SMOC2: variants seen among roughly 807,000 people sequenced by gnomAD.
SMOC2 encodes SPARC-related modular calcium-binding protein 2.
Under a neutral mutation model 61.4 loss-of-function variants are expected in SMOC2, and 39 were observed. That is an observed-to-expected ratio of 0.64 (90% confidence interval 0.49 to 0.83). The LOEUF (loss-of-function observed/expected upper bound fraction) is 0.83. SMOC2 is among the 40% of genes least tolerant of loss of function. The pLI is 0.00. For missense variants in SMOC2, 556 were observed against 592.9 expected (o/e 0.94, Z 0.65); for synonymous variants, 247 against 239.9 (o/e 1.03, Z -0.27).
At chr6:168,653,382 A>G (rs976046316) in intron 11 of SMOC2, among the ~76,000 whole-genome samples, 154 bp downstream of exon 11, 2 of 152,250 alleles carry the variant, frequency 1.3e-5, no homozygotes, top group Admixed American at 6.5e-5. Flanking sequence ...GTTTGCAGAA[A>G]TAATAATGAT....
chr6:168,451,569 C>T (rs1408662455), intron 1 of SMOC2, among the ~76,000 whole-genome samples: 1 of 150,086 alleles, frequency 6.7e-6, no homozygotes, highest in Non-Finnish European at 1.5e-5. Context: ...CCAGGCAGCT[C>T]GCGCTCTCTC....
At chr6:168,538,403 C>G (rs1338210686) in intron 4 of SMOC2, among the ~76,000 whole-genome samples, 3 of 43,912 alleles carry the variant, frequency 6.8e-5, no homozygotes, top group Non-Finnish European at 8.4e-5. Flanking sequence ...CCCCTGCTGG[C>G]ATGTAGGGGA....
chr6:168,615,314 G>A (rs1562384056), intron 9 of SMOC2, among the ~76,000 whole-genome samples: 1 of 74,214 alleles, frequency 1.3e-5, no homozygotes. Flanking sequence ...GCCAGCACGG[G>A]GCCTCTTCAC....
Position 168,472,149 on chromosome 6 carries a change from A to G in SMOC2, c.84+30695A>G, listed in dbSNP as rs144605058. ...AGCCAATGTCAAGATATTTTCCTCCATGTTTTCTTCTAGGAATTTTATAGT... is the reference window on the plus strand; with the variant it reads ...AGCCAATGTCAAGATATTTTCCTCCGTGTTTTCTTCTAGGAATTTTATAGT... On this transcript the variant is annotated intron_variant, in intron 1 of 12. Transcript: ENST00000356284. Among the ~76,000 whole-genome samples, 55 of 152,174 alleles carry G rather than the reference A, an allele frequency of 3.6e-4. No individual in the cohort carries two copies. In the East Asian group the frequency reaches 3.9e-3, roughly 11 times the overall value.
At chr6:168,539,725 T>C (rs7763494) in intron 4 of SMOC2, among the ~76,000 whole-genome samples, 4,701 of 152,312 alleles carry the variant, frequency 0.031, 219 homozygotes, top group African/African-American at 0.1. Context: ...GGATGGGCTG[T>C]GTGCTGCTCT....
intron 10 of SMOC2, among the ~76,000 whole-genome samples, chr6:168,651,957 C>T (rs1787205304): frequency 6.6e-6 from 1 of 151,238 alleles, no homozygotes. Flanking sequence ...AGGAGAATCA[C>T]TTGAACCTGG....
At chr6:168,644,016 G>T (rs149090981) in intron 9 of SMOC2, among the ~76,000 whole-genome samples, 103 of 152,168 alleles carry the variant, frequency 6.8e-4, no homozygotes, top group Non-Finnish European at 1.3e-3. Context: ...GAAAATCTGC[G>T]CTTGGAATAA....
intron 9 of SMOC2, among the ~76,000 whole-genome samples, chr6:168,616,874 G>A (rs1786108275): frequency 1.3e-5 from 2 of 152,198 alleles, no homozygotes; most frequent in Admixed American, 6.5e-5. Context: ...GGAGCATCCC[G>A]AGATGCCGCT....
chr6:168,584,776 T>C (rs1431039348), intron 7 of SMOC2, among the ~76,000 whole-genome samples: 4 of 152,148 alleles, frequency 2.6e-5, no homozygotes, highest in Admixed American at 6.5e-5. Context: ...AGCATCGATG[T>C]AGAGTGAGAT....
intron 1 of SMOC2, among the ~76,000 whole-genome samples, chr6:168,496,893 G>A (rs1782603448): frequency 6.6e-6 from 1 of 152,256 alleles, no homozygotes; most frequent in Non-Finnish European, 1.5e-5. Flanking sequence ...AAAATTCAAA[G>A]AATCTGTTTT....
At chr6:168,574,210 G>A (rs1784739634) in intron 7 of SMOC2, among the ~76,000 whole-genome samples, 1 of 152,252 alleles carries the variant, frequency 6.6e-6, no homozygotes, top group African/African-American at 2.4e-5. Context: ...AGATGGGAGT[G>A]GTGTGGCAGC....
chr6:168,614,229 C>T (rs1483826960), intron 9 of SMOC2, among the ~76,000 whole-genome samples: 1 of 79,758 alleles, frequency 1.3e-5, no homozygotes, highest in South Asian at 6.5e-4. Context: ...ACAGCCAGCA[C>T]ATGGAGCCTC....
At chr6:168,665,483 A>C (rs757962991) in intron 12 of SMOC2, among the ~76,000 whole-genome samples, 10 of 152,268 alleles carry the variant, frequency 6.6e-5, no homozygotes, top group Non-Finnish European at 1.3e-4. Flanking sequence ...CACCATATGC[A>C]TGACCCAGAC....
intron 12 of SMOC2, among the ~76,000 whole-genome samples, chr6:168,665,917 T>C (rs992311917): frequency 3.3e-5 from 5 of 152,070 alleles, no homozygotes; most frequent in Non-Finnish European, 7.4e-5. Context: ...TTTTTTTTTT[T>C]CATTCTAAAT....
intron 1 of SMOC2, among the ~76,000 whole-genome samples, chr6:168,483,663 C>G (rs1782263568): frequency 6.6e-6 from 1 of 152,048 alleles, no homozygotes; most frequent in Admixed American, 6.5e-5. Context: ...TTAAAAAGAA[C>G]AAAACTGAGT....
At chr6:168,657,345 A>C (rs75545736) in intron 11 of SMOC2, among the ~76,000 whole-genome samples, 5,211 of 152,360 alleles carry the variant, frequency 0.034, 179 homozygotes, top group East Asian at 0.21. Flanking sequence ...GCATGCAGCA[A>C]GGGCAGTGCT....
chr6:168,601,450 G>A (rs1044127355), intron 8 of SMOC2, among the ~76,000 whole-genome samples: 2 of 152,238 alleles, frequency 1.3e-5, no homozygotes, highest in Admixed American at 1.3e-4. Flanking sequence ...CGTGTGCTCC[G>A]CAGGGCTTGA....
At chr6:168,460,085 A>T (rs889804229) in intron 1 of SMOC2, among the ~76,000 whole-genome samples, 1 of 152,104 alleles carries the variant, frequency 6.6e-6, no homozygotes, top group African/African-American at 2.4e-5. Context: ...AACAGGATAA[A>T]ATTTGCTTTG....
intron 7 of SMOC2, among the ~76,000 whole-genome samples, chr6:168,576,209 C>T (rs1784800768): frequency 6.6e-6 from 1 of 152,138 alleles, no homozygotes; most frequent in Non-Finnish European, 1.5e-5. Flanking sequence ...ATACATAACA[C>T]ACAACCCTTA....
Sources: allele counts gnomAD v4.1 joint callset (sites outside exome capture counted in the v4.1 genomes callset), GRCh38; gene constraint gnomAD v4.1.1; transcripts MANE v1.5; gene names NCBI Gene and HGNC (gene_info 2026-07-23, HGNC 2026-07-21).